Variants in DLG2 observed in about 807,000 individuals in gnomAD.
DLG2 encodes the protein disks large homolog 2.
In DLG2, 45 loss-of-function variants were observed where a neutral mutation model predicts 132.5. The observed-to-expected ratio is 0.34, with a 90% CI of 0.27 to 0.44. The LOEUF is 0.44. Ranked by LOEUF, DLG2 falls within the 20% of genes least tolerant of loss-of-function variation. The pLI, the probability that DLG2 is intolerant of heterozygous loss-of-function variation, is 1.00. For synonymous variants in DLG2, 424 were observed against 419.6 expected (o/e 1.01, Z -0.13); for missense variants, 1,045 against 1,196.9 (o/e 0.87, Z 1.87).
chr11:85,013,781 G>GA (rs2059344166), intron 6 of DLG2, among the ~76,000 whole-genome samples: 1 of 152,028 alleles, frequency 6.6e-6, no homozygotes, highest in Non-Finnish European at 1.5e-5. Context: ...GAAATCTAGT[G>GA]AAAAAAATCT....
At chr11:84,734,971 C>T (rs1368722746) in intron 6 of DLG2, among the ~76,000 whole-genome samples, 1 of 152,198 alleles carries the variant, frequency 6.6e-6, no homozygotes, top group African/African-American at 2.4e-5. Context: ...ACCAGCCTTG[C>T]ATCCCAGGGA....
intron 14 of DLG2, among the ~76,000 whole-genome samples, chr11:83,945,434 A>C (rs150074895): frequency 0.011 from 1,679 of 152,312 alleles, 12 homozygotes; most frequent in Middle Eastern, 0.02. Context: ...AGAAAAGCAG[A>C]ATTTTCCCAA....
At chr11:84,037,374 T>C (rs1301595503) in intron 11 of DLG2, among the ~76,000 whole-genome samples, 2 of 152,140 alleles carry the variant, frequency 1.3e-5, no homozygotes, top group East Asian at 1.9e-4. Context: ...AGACAGCTAG[T>C]TGAAATTTCT....
Position 84,093,047 on chromosome 11 carries a change from A to AAAAG in DLG2, c.749+5872_749+5875dup, listed in dbSNP as rs1051086523. Among the ~76,000 whole-genome samples, 1,357 of 151,610 alleles carry AAAAG rather than the reference A, an allele frequency of 9.0e-3. 6 individuals are homozygous for AAAAG. Among genetic ancestry groups the AAAAG allele is most frequent in the African/African-American group, 0.011 (457 of 41,278 alleles). ...TGAGTCTCCGTCAAAAAAAAAAAAA[A>AAAAG]AAAGAAAGAAAGAAAGAAAGAAAAT... On this transcript the variant is annotated intron_variant, in intron 10 of 27. Transcript: ENST00000376104.
chr11:84,332,499 C>A (rs1434566187), intron 7 of DLG2, among the ~76,000 whole-genome samples: 3 of 147,868 alleles, frequency 2.0e-5, no homozygotes, highest in Non-Finnish European at 3.0e-5. Flanking sequence ...TGTGAGCCAC[C>A]GCGCCTGGCT....
At chr11:83,511,722 C>T (rs1038582695) in intron 21 of DLG2, among the ~76,000 whole-genome samples, 4 of 141,804 alleles carry the variant, frequency 2.8e-5, no homozygotes, top group Non-Finnish European at 6.2e-5. Flanking sequence ...GTAAAAGAAG[C>T]AAACTTTTTT....
rs959788716 is a variant in DLG2, at chr11:84,672,828, C to CA, written c.358-138098dup. 1.5e-4 allele frequency among the ~76,000 whole-genome samples: 22 copies of CA among 151,540 alleles called. 1 individual carries two copies. Among genetic ancestry groups the CA allele is most frequent in the Admixed American group, 2.6e-4 (4 of 15,216 alleles). Reference sequence around the variant, plus strand: ...TACCTAAGACTTGGTAATTTATAAACAAAAAAAAGGCTTAATTGGCTCAGG... The same window carrying CA: ...TACCTAAGACTTGGTAATTTATAAACAAAAAAAAAGGCTTAATTGGCTCAGG... On this transcript the variant is annotated intron_variant, in intron 6 of 27. Coordinates refer to ENST00000376104, the MANE Select transcript of DLG2 (RefSeq NM_001142699.3).
At chr11:83,660,516 C>T (rs1223382016) in intron 18 of DLG2, among the ~76,000 whole-genome samples, 10 of 152,216 alleles carry the variant, frequency 6.6e-5, no homozygotes, top group African/African-American at 2.2e-4. Flanking sequence ...GTAGCTGCTA[C>T]CTCCAGGGGT....
At chr11:84,844,115 GTGTGTGTGTGTGTGTGTGTGTA>G in intron 6 of DLG2, among the ~76,000 whole-genome samples, 1 of 67,168 alleles carries the variant, frequency 1.5e-5, no homozygotes, top group East Asian at 4.0e-4. Context: ...TTGTGTGTGT[GTGTGTGTGTGTGTGTGTGTGTA>G]TATATATATA....
intron 4 of DLG2, among the ~76,000 whole-genome samples, chr11:85,172,971 G>A (rs141555492): frequency 9.1e-4 from 138 of 152,262 alleles, no homozygotes; most frequent in African/African-American, 1.5e-3. Flanking sequence ...ATAGGATTAC[G>A]TAAAGTGACC....
At chr11:83,791,852 C>T (rs2041655399) in intron 17 of DLG2, among the ~76,000 whole-genome samples, 1 of 152,162 alleles carries the variant, frequency 6.6e-6, no homozygotes, top group African/African-American at 2.4e-5. Flanking sequence ...CTTCTCCCGC[C>T]TCCTTCCTCC....
chr11:84,208,287 C>T (rs574423891), intron 8 of DLG2, among the ~76,000 whole-genome samples: 1 of 151,980 alleles, frequency 6.6e-6, no homozygotes, highest in East Asian at 1.9e-4. Context: ...CTCTCAGGAC[C>T]TCTAGAGACT....
intron 6 of DLG2, among the ~76,000 whole-genome samples, chr11:84,952,522 G>A (rs10898337): frequency 0.71 from 107,109 of 150,756 alleles, 39,076 homozygotes; most frequent in East Asian, 0.92. Context: ...GTCTCAAAAA[G>A]AAAAAGAATA....
intron 6 of DLG2, among the ~76,000 whole-genome samples, chr11:84,714,869 T>G (rs555611348): frequency 5.5e-4 from 83 of 152,188 alleles, no homozygotes; most frequent in Admixed American, 1.8e-3. Flanking sequence ...TTCCTTTTGC[T>G]GTTTTAGTCC....
intron 7 of DLG2, among the ~76,000 whole-genome samples, chr11:84,352,572 G>A (rs1036810849): frequency 5.9e-5 from 9 of 152,138 alleles, no homozygotes; most frequent in Non-Finnish European, 8.8e-5. Flanking sequence ...AGATTCCTGC[G>A]GGAGATTTGT....
chr11:85,586,785 T>G (rs915255907), intron 3 of DLG2, among the ~76,000 whole-genome samples: 1 of 152,178 alleles, frequency 6.6e-6, no homozygotes, highest in African/African-American at 2.4e-5. Context: ...AGGTGTGACT[T>G]TAGATTGCCT....
intron 6 of DLG2, among the ~76,000 whole-genome samples, chr11:84,696,969 A>G (rs982524829): frequency 2.0e-5 from 3 of 151,410 alleles, no homozygotes; most frequent in African/African-American, 7.3e-5. Flanking sequence ...GTTCAAAAAT[A>G]TTAAAGAGAT....
intron 5 of DLG2, among the ~76,000 whole-genome samples, chr11:85,121,310 C>A (rs985912550): frequency 1.3e-5 from 2 of 151,350 alleles, no homozygotes; most frequent in African/African-American, 2.4e-5. Context: ...CTATTGCACA[C>A]CTTTCTAACT....
intron 16 of DLG2, among the ~76,000 whole-genome samples, chr11:83,841,248 A>G (rs923870475): frequency 3.3e-5 from 5 of 152,250 alleles, no homozygotes; most frequent in Non-Finnish European, 7.3e-5. Flanking sequence ...AACACAATTT[A>G]TAAATAACTC....
Sources: gnomAD v4.1 joint callset for allele counts (sites outside exome capture counted in the v4.1 genomes callset) on GRCh38, gnomAD v4.1.1 for gene constraint, MANE v1.5 for transcripts, NCBI Gene and HGNC (gene_info 2026-07-23, HGNC 2026-07-21) for gene names.